The following XRCC4 variants were observed in gnomAD, a reference collection of about 807,000 sequenced individuals.
XRCC4 encodes X-ray repair cross complementing 4.
A neutral mutation model predicts 39.1 loss-of-function variants in XRCC4; 28 were observed. That is an observed-to-expected ratio of 0.72 (90% CI 0.53 to 0.98). The LOEUF is 0.98. Ranked by LOEUF, XRCC4 falls within the 50% of genes least tolerant of loss-of-function variation. The probability of loss-of-function intolerance (pLI) is 0.00; values close to 1 mark genes in which losing one functional copy is unlikely to be tolerated. For synonymous variants in XRCC4, 123 were observed against 126.4 expected (o/e 0.97, Z 0.18); for missense variants, 350 against 376.4 (o/e 0.93, Z 0.58).
At chr5:83,279,647 A>C (rs896385688) in intron 7 of XRCC4, among the ~76,000 whole-genome samples, 4 of 152,228 alleles carry the variant, frequency 2.6e-5, no homozygotes, top group Admixed American at 2.0e-4. Flanking sequence ...GATAATTAAA[A>C]GATTTAAATT....
chr5:83,307,564 G>C (rs1755532521), intron 7 of XRCC4, among the ~76,000 whole-genome samples: 1 of 152,218 alleles, frequency 6.6e-6, no homozygotes, highest in Admixed American at 6.5e-5. Context: ...AAGGTTGGAA[G>C]CCACATTTAG....
At chr5:83,087,307 A>AC (rs945395872) in intron 1 of XRCC4, among the ~76,000 whole-genome samples, 3 of 152,022 alleles carry the variant, frequency 2.0e-5, no homozygotes, top group Non-Finnish European at 4.4e-5. Context: ...ACAGAGTGAG[A>AC]CCCTGTCTCC....
At chr5:83,312,005 G>A (rs1324695435) in intron 7 of XRCC4, among the ~76,000 whole-genome samples, 1 of 152,152 alleles carries the variant, frequency 6.6e-6, no homozygotes, top group Non-Finnish European at 1.5e-5. Context: ...CTGCATGGCA[G>A]CCTCAAAATT....
At chr5:83,349,861 C>G (rs968724636) in intron 7 of XRCC4, among the ~76,000 whole-genome samples, 6 of 152,006 alleles carry the variant, frequency 3.9e-5, no homozygotes, top group Non-Finnish European at 8.8e-5. Flanking sequence ...ATCTCATCAC[C>G]CAAGTATTGA....
chr5:83,283,039 T>C (rs1225969105), intron 7 of XRCC4, among the ~76,000 whole-genome samples: 1 of 133,322 alleles, frequency 7.5e-6, no homozygotes, highest in Non-Finnish European at 1.6e-5. Context: ...TGGTACTTAC[T>C]ATAGCCAGAC....
intron 6 of XRCC4, among the ~76,000 whole-genome samples, chr5:83,252,150 A>G (rs1580426640): frequency 6.6e-6 from 1 of 152,332 alleles, no homozygotes; most frequent in South Asian, 2.1e-4. Context: ...CTACAGAGGC[A>G]CAAGGTAGCC....
chr5:83,148,845 G>A (rs1748578389), intron 3 of XRCC4, among the ~76,000 whole-genome samples: 1 of 151,586 alleles, frequency 6.6e-6, no homozygotes, highest in South Asian at 2.1e-4. Flanking sequence ...TTATAATGAA[G>A]ATATAATAAT....
intron 1 of XRCC4, among the ~76,000 whole-genome samples, chr5:83,080,334 C>T (rs574731843): frequency 2.0e-5 from 3 of 152,142 alleles, no homozygotes; most frequent in African/African-American, 7.2e-5. Flanking sequence ...TGAGACCAGC[C>T]TGGCCAACAT....
intron 7 of XRCC4, among the ~76,000 whole-genome samples, chr5:83,334,955 A>G (rs1354471793): frequency 6.6e-6 from 1 of 151,966 alleles, no homozygotes; most frequent in Admixed American, 6.6e-5. Flanking sequence ...TAACTGTTTC[A>G]CCTAAAGAAT....
At chr5:83,277,120 A>G (rs1754362724) in intron 7 of XRCC4, among the ~76,000 whole-genome samples, 1 of 152,226 alleles carries the variant, frequency 6.6e-6, no homozygotes. Context: ...TTCAAGTTGT[A>G]GATTCTGATT....
intron 3 of XRCC4, among the ~76,000 whole-genome samples, chr5:83,116,608 CTTTTTTTTTT>C (rs559079642): frequency 2.9e-5 from 3 of 103,196 alleles, no homozygotes; most frequent in South Asian, 6.3e-4. Flanking sequence ...TTCTCTCTCT[CTTTTTTTTTT>C]TTTTTTTTTT....
chr5:83,185,800 C>A (rs539252106), intron 3 of XRCC4, among the ~76,000 whole-genome samples: 1 of 152,002 alleles, frequency 6.6e-6, no homozygotes, highest in Non-Finnish European at 1.5e-5. Context: ...TGCTAAATAA[C>A]TGGTGAAGAA....
intron 3 of XRCC4, among the ~76,000 whole-genome samples, chr5:83,173,556 A>C (rs1411403860): frequency 6.6e-6 from 1 of 152,174 alleles, no homozygotes; most frequent in Non-Finnish European, 1.5e-5. Context: ...TTCTAAAATC[A>C]TAAAGAAGAG....
chr5:83,155,877 A>G (rs1379991314), intron 3 of XRCC4, among the ~76,000 whole-genome samples: 1 of 152,162 alleles, frequency 6.6e-6, no homozygotes, highest in East Asian at 1.9e-4. Context: ...GTTATTTTAG[A>G]TGTTTTTTTC....
chr5:83,115,740 C>G (rs1339974203), intron 3 of XRCC4, among the ~76,000 whole-genome samples: 1 of 152,230 alleles, frequency 6.6e-6, no homozygotes, highest in African/African-American at 2.4e-5. Context: ...GTAATGGAAG[C>G]AGCCTGAAAG....
At chr5:83,256,985 A>C (rs1156721603) in intron 6 of XRCC4, among the ~76,000 whole-genome samples, 5 of 152,126 alleles carry the variant, frequency 3.3e-5, no homozygotes, top group Non-Finnish European at 7.4e-5. Flanking sequence ...CCCATAGCAA[A>C]GTGCCCAAAA....
At chr5:83,241,240 CAAAA>C (rs541873201) in intron 6 of XRCC4, among the ~76,000 whole-genome samples, 1 of 60,894 alleles carries the variant, frequency 1.6e-5, no homozygotes, top group Non-Finnish European at 3.8e-5. Context: ...AAGACTCTGT[CAAAA>C]AAAAAAAAAA....
chr5:83,130,130 G>T (rs999343367), intron 3 of XRCC4, among the ~76,000 whole-genome samples: 8 of 152,218 alleles, frequency 5.3e-5, no homozygotes, highest in African/African-American at 1.9e-4. Flanking sequence ...TCATTATTTT[G>T]AGATACGTCC....
At chr5:83,197,842 G>A (rs1443197620) in intron 4 of XRCC4, among the ~76,000 whole-genome samples, 1 of 152,106 alleles carries the variant, frequency 6.6e-6, no homozygotes, top group Non-Finnish European at 1.5e-5. Flanking sequence ...AGGAAAGAGA[G>A]TCCACTCCAG....
Sources: allele counts gnomAD v4.1 joint callset (sites outside exome capture counted in the v4.1 genomes callset), GRCh38; gene constraint gnomAD v4.1.1; transcripts MANE v1.5; gene names NCBI Gene and HGNC (gene_info 2026-07-23, HGNC 2026-07-21).